Variants in DDX24 observed in about 807,000 individuals in gnomAD.
The protein encoded by DDX24 is DEAD-box helicase 24.
A neutral mutation model predicts 68.9 loss-of-function variants in DDX24; 24 were observed. The observed-to-expected ratio is 0.35, with a 90% CI of 0.25 to 0.49. The LOEUF is 0.49. Ranked by LOEUF, DDX24 falls within the 20% of genes least tolerant of loss-of-function variation. DDX24 has a pLI of 0.99. For missense variants in DDX24, 989 were observed against 1,039.0 expected (o/e 0.95, Z 0.66); for synonymous variants, 395 against 385.2 (o/e 1.03, Z -0.30).
At chr14:94,059,956 CAA>C (rs36013055) in intron 5 of DDX24, 140 bp downstream of exon 5, 5,727 of 794,536 alleles carry the variant, frequency 7.2e-3, no homozygotes, top group South Asian at 0.015. Flanking sequence ...AAATGCTGTG[CAA>C]AAAAAAAAAA....
chr14:94,070,804 C>T (rs1885812596), intron 2 of DDX24, among the ~76,000 whole-genome samples: 1 of 152,162 alleles, frequency 6.6e-6, no homozygotes, highest in Non-Finnish European at 1.5e-5. Context: ...ACTGGCTAGC[C>T]ACCTGTAGGA....
In DDX24 at chr14:94,060,836, G is replaced by C. The variant is rs1226091041; in HGVS notation, c.1397+77C>G. 5 of 1,571,044 alleles carry C rather than the reference G, an allele frequency of 3.2e-6. No homozygotes were observed. In the African/African-American group the frequency reaches 6.8e-5, roughly 21 times the overall value. ...CATAGCATTCTGCGATGAGAAGAAG[G>C]CATTGCCCACACCATGTCACCTAAG... is the stretch of plus-strand genomic sequence containing the variant. On this transcript the variant is annotated intron_variant, in intron 4 of 8. Transcript: ENST00000621632.
Position 94,051,462 on chromosome 14 carries a change from C to T in DDX24, c.2309G>A (p.Gly770Glu). 6.5e-7 allele frequency: 1 copy of T among 1,537,972 alleles called. No individual in the cohort carries two copies. Among genetic ancestry groups the T allele is most frequent in the Non-Finnish European group, 8.7e-7 (1 of 1,145,748 alleles). The stretch of plus-strand genomic sequence containing the variant: ...TTCTTCTTGCTGGTCAGCTTTTCCT[C>T]CTTGAAACACAATACAAAAACGATC... ...EIELEEDMYKGGKADQQEERR... is the reference protein window; with the variant it reads ...EIELEEDMYKEGKADQQEERR... The change falls in exon 9 of 9, where the codon GGA (glycine) becomes GAA (glutamate). Residue 770 changes from glycine to glutamate, a missense_variant and splice_region_variant. Coordinates refer to ENST00000621632, the MANE Select transcript of DDX24 (RefSeq NM_020414.4).
At chr14:94,065,569 T>C (rs1567060091) in intron 2 of DDX24, among the ~76,000 whole-genome samples, 2 of 152,198 alleles carry the variant, frequency 1.3e-5, no homozygotes, top group Non-Finnish European at 2.9e-5. Flanking sequence ...TTGTGAGTTT[T>C]AGCTCCAGAT....
At chr14:94,054,325 A>G (rs900378053) in intron 7 of DDX24, among the ~76,000 whole-genome samples, 1 of 152,194 alleles carries the variant, frequency 6.6e-6, no homozygotes, top group Non-Finnish European at 1.5e-5. Flanking sequence ...CAGAGAAGCC[A>G]ACATTCCTTG....
intron 2 of DDX24, among the ~76,000 whole-genome samples, chr14:94,071,780 T>C (rs1389255915): frequency 1.3e-5 from 2 of 151,970 alleles, no homozygotes; most frequent in African/African-American, 2.4e-5. Context: ...ACCACGTCTC[T>C]ACTAAAAATA....
chr14:94,060,802 A>G, intron 4 of DDX24, 111 bp downstream of exon 4: 1 of 1,504,182 alleles, frequency 6.6e-7, no homozygotes, highest in Non-Finnish European at 9.0e-7. Context: ...GGTCTGGATG[A>G]TACCACACCA....
At chr14:94,063,269 C>A (rs1885633587) in intron 2 of DDX24, among the ~76,000 whole-genome samples, 1 of 152,120 alleles carries the variant, frequency 6.6e-6, no homozygotes, top group South Asian at 2.1e-4. Context: ...AAAATAACCA[C>A]ACACACAAAA....
At chr14:94,054,881 G>T in intron 7 of DDX24, 115 bp downstream of exon 7, 1 of 1,184,466 alleles carries the variant, frequency 8.4e-7, no homozygotes, top group Non-Finnish European at 1.2e-6. Context: ...TTCAGCTGTT[G>T]GCAGAACCAT....
chr14:94,062,899 C>G (rs1046540706), intron 2 of DDX24, among the ~76,000 whole-genome samples: 10 of 152,286 alleles, frequency 6.6e-5, no homozygotes, highest in African/African-American at 2.2e-4. Context: ...AGAGAAAGGG[C>G]AAGTTTTGGG....
Position 94,079,474 on chromosome 14 carries a change from CCCT to C in DDX24, c.266_268del (p.Glu89del), listed in dbSNP as rs550657596. On this transcript the variant is annotated inframe_deletion, in exon 2 of 9. Transcript: ENST00000621632. ...CTTTTTCTTTGGTGAGCTAGACTTT[CCCT>C]CCTCCTCCTCCTCTTCTTCTGAAAC... 8 of 1,613,874 alleles carry C rather than the reference CCCT, an allele frequency of 5.0e-6. No individual in the cohort carries two copies. The highest frequency in any genetic ancestry group is 2.2e-5 in the East Asian group (1 of 44,874).
chr14:94,059,238 A>G (rs1385827902), intron 5 of DDX24, among the ~76,000 whole-genome samples: 1 of 152,276 alleles, frequency 6.6e-6, no homozygotes, highest in Admixed American at 6.5e-5. Flanking sequence ...AAACACTGGC[A>G]AAAGACACTT....
At chr14:94,078,602 C>G (rs926928806) in intron 2 of DDX24, among the ~76,000 whole-genome samples, 4 of 152,196 alleles carry the variant, frequency 2.6e-5, no homozygotes, top group African/African-American at 9.7e-5. Context: ...CAGTTCTTCC[C>G]TATACTCATG....
chr14:94,059,975 C>T, intron 5 of DDX24, 123 bp downstream of exon 5: 1 of 1,165,304 alleles, frequency 8.6e-7, no homozygotes, highest in Non-Finnish European at 1.2e-6. Flanking sequence ...AAAAAGGCTA[C>T]CTACTACTGA....
intron 2 of DDX24, among the ~76,000 whole-genome samples, chr14:94,065,747 G>A (rs1885691885): frequency 6.6e-6 from 1 of 152,176 alleles, no homozygotes; most frequent in South Asian, 2.1e-4. Context: ...AGAAGGTGAA[G>A]GTCTGTTTGC....
intron 2 of DDX24, among the ~76,000 whole-genome samples, chr14:94,063,022 T>C (rs564792505): frequency 3.3e-5 from 5 of 152,310 alleles, no homozygotes; most frequent in Middle Eastern, 3.4e-3. Flanking sequence ...TTTCAGAAAA[T>C]GTAAATATAA....
chr14:94,075,728 C>G (rs186428954), intron 2 of DDX24, among the ~76,000 whole-genome samples: 2 of 152,286 alleles, frequency 1.3e-5, no homozygotes, highest in East Asian at 3.9e-4. Context: ...AGATAAGCCA[C>G]AAACTGGGAG....
chr14:94,064,712 G>A (rs28459312), intron 2 of DDX24, among the ~76,000 whole-genome samples: 43,160 of 152,090 alleles, frequency 0.28, 6,347 homozygotes, highest in Admixed American at 0.36. Flanking sequence ...CTGTTTCTCA[G>A]TTACATCTTT....
intron 6 of DDX24, 109 bp from the exon 7 acceptor site, chr14:94,055,293 T>C (rs1019395042): frequency 1.2e-5 from 14 of 1,123,632 alleles, no homozygotes; most frequent in African/African-American, 6.3e-5. Flanking sequence ...GCCAGGCAGG[T>C]AGAAACTTCT....
Sources: allele counts gnomAD v4.1 joint callset (sites outside exome capture counted in the v4.1 genomes callset), GRCh38; gene constraint gnomAD v4.1.1; transcripts MANE v1.5; gene names NCBI Gene and HGNC (gene_info 2026-07-23, HGNC 2026-07-21).